BANK1: variants seen among roughly 807,000 people sequenced by gnomAD.
BANK1 encodes the protein B-cell scaffold protein with ankyrin repeats.
BANK1 carries 95 observed loss-of-function variants against 94.5 expected under a neutral mutation model. That is an observed-to-expected ratio of 1.00 (90% CI 0.85 to 1.19). The LOEUF (loss-of-function observed/expected upper bound fraction) is 1.19, where lower values mean the gene tolerates loss of function less well. BANK1 is among the 50% of genes most tolerant of loss of function. The pLI, the probability that BANK1 is intolerant of heterozygous loss-of-function variation, is 0.00. For synonymous variants in BANK1, 334 were observed against 308.4 expected (o/e 1.08, Z -0.87); for missense variants, 987 against 932.2 (o/e 1.06, Z -0.77).
chr4:101,998,862 C>A (rs1257754494), intron 7 of BANK1, among the ~76,000 whole-genome samples: 3 of 152,080 alleles, frequency 2.0e-5, no homozygotes, highest in Admixed American at 6.6e-5. Context: ...TTAGTTGTCT[C>A]TCTGGTGTTT....
chr4:102,054,562 G>A (rs1287511510), intron 11 of BANK1, among the ~76,000 whole-genome samples: 1 of 152,014 alleles, frequency 6.6e-6, no homozygotes, highest in Non-Finnish European at 1.5e-5. Context: ...AGACTGTAGC[G>A]GCAGAAAAAC....
At chr4:101,841,700 G>A (rs1366458131) in intron 2 of BANK1, among the ~76,000 whole-genome samples, 1 of 151,392 alleles carries the variant, frequency 6.6e-6, no homozygotes, top group Non-Finnish European at 1.5e-5. Context: ...ATGTATACAT[G>A]TGCCATGCTG....
At chr4:101,929,460 TAA>T (rs1490644047) in intron 7 of BANK1, among the ~76,000 whole-genome samples, 2 of 151,652 alleles carry the variant, frequency 1.3e-5, no homozygotes, top group African/African-American at 2.4e-5. Context: ...TTTTAATACT[TAA>T]GTCATTTCTA....
intron 8 of BANK1, among the ~76,000 whole-genome samples, chr4:102,023,388 T>A (rs978923450): frequency 2.0e-5 from 3 of 152,216 alleles, no homozygotes; most frequent in African/African-American, 4.8e-5. Context: ...ATAAAGGCCA[T>A]GATTGAAAAT....
At chr4:101,904,176 A>AGAAACAGTCTTTTAAATCTAT (rs1722370080) in intron 6 of BANK1, among the ~76,000 whole-genome samples, 1 of 152,254 alleles carries the variant, frequency 6.6e-6, no homozygotes, top group South Asian at 2.1e-4. Flanking sequence ...ACGATAGTAA[A>AGAAACAGTCTTTTAAATCTAT]GAAACAGTCT....
chr4:102,062,874 C>T (rs568238503), intron 12 of BANK1: 84 of 517,514 alleles, frequency 1.6e-4, no homozygotes, highest in Admixed American at 1.2e-3. Flanking sequence ...CATGGAATGA[C>T]GACATTTTAC....
chr4:101,924,590 G>A (rs1723095837), intron 7 of BANK1, among the ~76,000 whole-genome samples: 1 of 151,784 alleles, frequency 6.6e-6, no homozygotes, highest in African/African-American at 2.4e-5. Context: ...ATTTGGCGGT[G>A]CGTTGGGAAG....
At chr4:102,060,868 A>G (rs550565359) in intron 12 of BANK1, among the ~76,000 whole-genome samples, 2 of 152,314 alleles carry the variant, frequency 1.3e-5, no homozygotes, top group African/African-American at 4.8e-5. Flanking sequence ...TATATGTTCA[A>G]ATATTAAGTT....
chr4:101,796,776 C>T (rs561977712), intron 1 of BANK1, among the ~76,000 whole-genome samples: 1 of 152,196 alleles, frequency 6.6e-6, no homozygotes, highest in Non-Finnish European at 1.5e-5. Flanking sequence ...AATTTTATAG[C>T]ATACTGTTTC....
chr4:101,946,347 A>G (rs181394745), intron 7 of BANK1, among the ~76,000 whole-genome samples: 25 of 152,142 alleles, frequency 1.6e-4, no homozygotes, highest in Non-Finnish European at 2.4e-4. Flanking sequence ...TTGTGTTGGC[A>G]CGTAATAGAT....
At chr4:101,859,319 G>GGACT (rs1420861041) in intron 3 of BANK1, among the ~76,000 whole-genome samples, 1 of 152,058 alleles carries the variant, frequency 6.6e-6, no homozygotes, top group African/African-American at 2.4e-5. Context: ...CTACATACAG[G>GGACT]GACTATTAGG....
intron 7 of BANK1, among the ~76,000 whole-genome samples, chr4:101,988,824 A>G (rs1725600904): frequency 6.6e-6 from 1 of 152,182 alleles, no homozygotes; most frequent in African/African-American, 2.4e-5. Context: ...GAACTGATCC[A>G]AGATATTAAT....
At chr4:101,936,489 T>G (rs549464447) in intron 7 of BANK1, among the ~76,000 whole-genome samples, 1 of 150,404 alleles carries the variant, frequency 6.6e-6, no homozygotes, top group Non-Finnish European at 1.5e-5. Context: ...TACATGTGTA[T>G]ACATATATGT....
intron 8 of BANK1, among the ~76,000 whole-genome samples, chr4:102,023,617 C>T (rs1204999138): frequency 6.6e-6 from 1 of 152,084 alleles, no homozygotes; most frequent in African/African-American, 2.4e-5. Flanking sequence ...TTGGTATTAC[C>T]ATTACAACAA....
intron 3 of BANK1, among the ~76,000 whole-genome samples, chr4:101,861,093 G>A (rs1481956497): frequency 1.3e-5 from 2 of 152,042 alleles, no homozygotes; most frequent in African/African-American, 4.8e-5. Context: ...GCATGTGTGG[G>A]GCAAGAGCAA....
Position 101,908,429 on chromosome 4 carries a change from G to T in BANK1, c.1010-9564G>T, listed in dbSNP as rs563970718. ...ATCAAGATGGATTAAAGACTTAAAT[G>T]TGAGACGTAAAACCATAAAAACCCT... On this transcript the variant is annotated intron_variant, in intron 6 of 16. Transcript: ENST00000322953. Among the ~76,000 whole-genome samples the T allele has an allele frequency of 1.1e-3, 170 of 152,332 alleles. 1 individual carries two copies. The highest frequency in any genetic ancestry group is 2.0e-3 in the Non-Finnish European group (138 of 68,034).
At chr4:102,055,260 T>C (rs560538135) in intron 11 of BANK1, among the ~76,000 whole-genome samples, 6 of 152,158 alleles carry the variant, frequency 3.9e-5, no homozygotes, top group Admixed American at 3.3e-4. Flanking sequence ...AATGTACTAG[T>C]TATTTTATTT....
At chr4:102,054,354 C>T (rs1191176747) in intron 11 of BANK1, among the ~76,000 whole-genome samples, 1 of 152,090 alleles carries the variant, frequency 6.6e-6, no homozygotes, top group Non-Finnish European at 1.5e-5. Flanking sequence ...CACGACAAAG[C>T]ACATTACATA....
intron 10 of BANK1, among the ~76,000 whole-genome samples, chr4:102,041,670 G>A (rs1727707785): frequency 6.6e-6 from 1 of 151,964 alleles, no homozygotes; most frequent in Non-Finnish European, 1.5e-5. Flanking sequence ...CGTATTATCA[G>A]CATTTTCACA....
Sources: allele counts gnomAD v4.1 joint callset (sites outside exome capture counted in the v4.1 genomes callset), GRCh38; gene constraint gnomAD v4.1.1; transcripts MANE v1.5; gene names NCBI Gene and HGNC (gene_info 2026-07-23, HGNC 2026-07-21).